Variants in DET1 observed in about 807,000 individuals in gnomAD.
DET1 encodes DET1 partner of COP1 E3 ubiquitin ligase.
Under a neutral mutation model 43.7 loss-of-function variants are expected in DET1, and 22 were observed. The ratio of observed to expected loss-of-function variants is 0.50; its 90% CI spans 0.36 to 0.72. The LOEUF (loss-of-function observed/expected upper bound fraction) is 0.72, where lower values mean the gene tolerates loss of function less well. DET1 is among the 30% of genes least tolerant of loss of function. The pLI, the probability that DET1 is intolerant of heterozygous loss-of-function variation, is 0.00. For synonymous variants in DET1, 315 were observed against 266.2 expected, an observed-to-expected ratio of 1.18 and a Z score of -1.79; for missense variants, 713 against 713.3, an observed-to-expected ratio of 1.00 and a Z score of 0.00.
intron 2 of DET1, 107 bp from the exon 3 acceptor site, chr15:88,527,893 AAACAACAACAAC>A (rs3217481): frequency 4.1e-5 from 19 of 461,052 alleles, no homozygotes; most frequent in South Asian, 2.2e-4. Context: ...AATTTTCCAA[AAACAACAACAAC>A]AACAACAACA....
At chr15:88,533,421 C>T (rs149118666) in intron 1 of DET1, among the ~76,000 whole-genome samples, 257 of 152,286 alleles carry the variant, frequency 1.7e-3, no homozygotes, top group African/African-American at 5.9e-3. Context: ...TCCAACAATT[C>T]TACTTCTGGG....
chr15:88,534,778 T>C lies in DET1; in HGVS notation c.-10-3063A>G, dbSNP rs541552627. 2.3e-3 allele frequency among the ~76,000 whole-genome samples: 347 copies of C among 152,110 alleles called. 5 individuals carry two copies. In the South Asian group the frequency reaches 0.03, roughly 13 times the overall value. On this transcript the variant is annotated intron_variant, in intron 1 of 4. Transcript: ENST00000268148. The stretch of plus-strand genomic sequence containing the variant: ...CATTAGAACCATAGCCTAAAGAGAG[T>C]TACAAATTGCAAATTCCCTGAAGCT...
In DET1 at chr15:88,539,982, G is replaced by A. The variant is rs149344814; in HGVS notation, c.-11+6558C>T. ...ACCTACACCTGTCATGCTTTACTTC[G>A]TTTAGACTCCTACTCTGTTCCCCTG... On this transcript the variant is annotated intron_variant, in intron 1 of 4. Coordinates refer to ENST00000268148, the MANE Select transcript of DET1 (RefSeq NM_001144074.3). Among the ~76,000 whole-genome samples the A allele has an allele frequency of 1.8e-3, 274 of 151,902 alleles. 5 individuals are homozygous for A. The South Asian group carries it at 0.043, about 24-fold the overall frequency.
chr15:88,536,279 G>A, intron 1 of DET1: 1 of 766,492 alleles, frequency 1.3e-6, no homozygotes, highest in East Asian at 2.4e-5. Flanking sequence ...ATTATTAATG[G>A]TCTTTATCTC....
downstream of DET1, chr15:88,511,351 T>C (rs2056198994): frequency 1.1e-6 from 1 of 951,570 alleles, no homozygotes; most frequent in Non-Finnish European, 1.3e-6. Context: ...CTCTTCCCAA[T>C]ATCCCCTCAG....
At chr15:88,540,444 A>C (rs2057077154) in intron 1 of DET1, among the ~76,000 whole-genome samples, 1 of 151,670 alleles carries the variant, frequency 6.6e-6, no homozygotes, top group Non-Finnish European at 1.5e-5. Context: ...CTCTGCTCAA[A>C]TTCTGTTAAA....
rs2056227130 is a variant in DET1 at position 88,512,740 on chromosome 15, ATAT to A, written c.*208_*210del. The stretch of plus-strand genomic sequence containing the variant: ...ATTCCCACAGGGAAAACGCAAGAGG[ATAT>A]TATAACAATCAGTAGCAGTATTGTA... On this transcript the variant is annotated 3_prime_UTR_variant, in exon 5 of 5. Transcript: ENST00000268148. 2 of 1,289,986 alleles carry A rather than the reference ATAT, an allele frequency of 1.6e-6. No homozygotes were observed. The highest frequency in any genetic ancestry group is 2.0e-6 in the Non-Finnish European group (2 of 1,021,082). The allele number at this position is 1,289,986 out of a possible 1,614,324, so 79.9% of individuals were successfully genotyped here.
At chr15:88,535,471 A>G (rs2056924379) in intron 1 of DET1, among the ~76,000 whole-genome samples, 1 of 152,052 alleles carries the variant, frequency 6.6e-6, no homozygotes, top group Non-Finnish European at 1.5e-5. Context: ...TAATGGCTGT[A>G]ATAGTTGGTG....
rs545762617 is a variant in DET1 at position 88,517,248 on chromosome 15, C to G, written c.1272-275G>C. On this transcript the variant is annotated intron_variant, in intron 3 of 4. Coordinates refer to ENST00000268148, the MANE Select transcript of DET1 (RefSeq NM_001144074.3). ...GGTTTTTTTTTTTTTTTTTTTGAGA[C>G]AGGGTCTCGCTTTGTTGCCCAGGCT... 2.5e-3 allele frequency among the ~76,000 whole-genome samples: 297 copies of G among 120,776 alleles called. 2 individuals are homozygous for G. The highest frequency in any genetic ancestry group is 9.4e-3 in the African/African-American group (285 of 30,448). The allele number at this position is 120,776 out of a possible 152,430, so 79.2% of individuals were successfully genotyped here.
chr15:88,530,605 C>T lies in DET1; in HGVS notation c.1083+18G>A, dbSNP rs2056784060. 6.4e-7 allele frequency: 1 copy of T among 1,566,868 alleles called. No homozygotes were observed. Among genetic ancestry groups the T allele is most frequent in the South Asian group, 1.2e-5 (1 of 82,840 alleles). On this transcript the variant is annotated intron_variant, in intron 2 of 4. Transcript: ENST00000268148. ...CCAAGGAGATTAGACAAGTAAAAGG[C>T]AGGAGTGTACCTCATACCTGTGATG...
intron 3 of DET1, among the ~76,000 whole-genome samples, chr15:88,519,471 G>A (rs1311658648): frequency 6.6e-6 from 1 of 151,998 alleles, no homozygotes; most frequent in Non-Finnish European, 1.5e-5. Flanking sequence ...TCACAGGGTA[G>A]ACCGTCACGC....
chr15:88,537,270 C>T (rs2056977525), intron 1 of DET1, among the ~76,000 whole-genome samples: 1 of 152,180 alleles, frequency 6.6e-6, no homozygotes, highest in Non-Finnish European at 1.5e-5. Flanking sequence ...GTTACATGCA[C>T]TGAGTAAAGA....
Position 88,533,852 on chromosome 15 carries a change from T to TAA in DET1, c.-10-2139_-10-2138dup, listed in dbSNP as rs368408722. ...GGGCAACAGAGCAAGACCCAATCTC[T>TAA]AAAAAAAAAAAAAAAAAAAAAAAAT... is the stretch of plus-strand genomic sequence containing the variant. On this transcript the variant is annotated intron_variant, in intron 1 of 4. Coordinates refer to ENST00000268148, the MANE Select transcript of DET1 (RefSeq NM_001144074.3). 4.8e-3 allele frequency among the ~76,000 whole-genome samples: 187 copies of TAA among 39,176 alleles called. 8 individuals are homozygous for TAA. In the South Asian group the frequency reaches 0.06, roughly 13 times the overall value. The allele number at this position is 39,176 out of a possible 152,430, so 25.7% of individuals were successfully genotyped here. A position where few individuals can be genotyped will look rare whatever the true frequency, so the allele number is the denominator to read the frequency against.
At chr15:88,521,908 A>C (rs1006391651) in intron 3 of DET1, among the ~76,000 whole-genome samples, 1 of 151,204 alleles carries the variant, frequency 6.6e-6, no homozygotes, top group Non-Finnish European at 1.5e-5. Flanking sequence ...TACTAGATGA[A>C]TCCAGTGGTG....
At chr15:88,508,059 T>C (rs1390501439), downstream of DET1, among the ~76,000 whole-genome samples, 1 of 152,132 alleles carries the variant, frequency 6.6e-6, no homozygotes, top group Non-Finnish European at 1.5e-5. Flanking sequence ...GGTTGTGCGC[T>C]CCTTATGAGA....
downstream of DET1, among the ~76,000 whole-genome samples, chr15:88,511,219 A>T (rs1598310729): frequency 6.6e-6 from 1 of 152,094 alleles, no homozygotes; most frequent in African/African-American, 2.4e-5. Flanking sequence ...CCACGGACTC[A>T]CCTGGCCTCT....
intron 3 of DET1, among the ~76,000 whole-genome samples, chr15:88,517,983 C>T (rs1012335664): frequency 3.3e-5 from 5 of 152,144 alleles, no homozygotes; most frequent in African/African-American, 1.2e-4. Flanking sequence ...GTTGCCCAGG[C>T]TGGAGGGCAG....
Position 88,531,800 on chromosome 15 carries a change from T to G in DET1, c.-10-85A>C. ...TATATACAAGTGAAACAGATTTCTC[T>G]TCTTATATCCTGAACCTAGGAGCTC... On this transcript the variant is annotated intron_variant, in intron 1 of 4. Transcript: ENST00000268148. The surrounding 1 kb of genome is among the most constrained non-coding windows in gnomAD (Gnocchi z 6.2). The G allele has an allele frequency of 7.5e-7, 1 of 1,334,956 alleles. No individual in the cohort carries two copies. The allele number at this position is 1,334,956 out of a possible 1,614,324, so 82.7% of individuals were successfully genotyped here. A position where few individuals can be genotyped will look rare whatever the true frequency, so the allele number is the denominator to read the frequency against.
intron 1 of DET1, chr15:88,536,469 C>T (rs1261378797): frequency 3.3e-6 from 2 of 604,904 alleles, no homozygotes; most frequent in Admixed American, 3.1e-5. Flanking sequence ...AATAAGAATA[C>T]ACTAAACAAA....
Sources: gnomAD v4.1 joint callset for allele counts (sites outside exome capture counted in the v4.1 genomes callset) on GRCh38, gnomAD v4.1.1 for gene constraint, Gnocchi (gnomAD v3.1) non-coding constraint, MANE v1.5 for transcripts, NCBI Gene and HGNC (gene_info 2026-07-23, HGNC 2026-07-21) for gene names.